Variants in AGAP1 observed in about 807,000 individuals in gnomAD.
AGAP1 encodes arf-GAP with GTPase, ANK repeat and PH domain-containing protein 1.
Under a neutral mutation model 105.3 loss-of-function variants are expected in AGAP1, and 29 were observed. That is an observed-to-expected ratio of 0.28 (90% CI 0.21 to 0.38). The LOEUF is 0.38. Among genes scored for constraint, AGAP1 ranks in the 10% least tolerant of loss-of-function variants. The pLI, the probability that AGAP1 is intolerant of heterozygous loss-of-function variation, is 1.00. For missense variants in AGAP1, 998 were observed against 1,165.1 expected, an observed-to-expected ratio of 0.86 and a Z score of 2.09; for synonymous variants, 509 against 485.9, an observed-to-expected ratio of 1.05 and a Z score of -0.63.
chr2:236,098,247 A>G (rs896558731), intron 16 of AGAP1, among the ~76,000 whole-genome samples: 7 of 152,256 alleles, frequency 4.6e-5, no homozygotes, highest in Admixed American at 3.9e-4. Flanking sequence ...CTGAACCGTC[A>G]TACCGGTTTT....
rs1041349033 is a variant in AGAP1 at position 235,801,292 on chromosome 2, G to T, written c.957+1770G>T. ...TGGAAACCATAGTACTTCTGCAGTG[G>T]GGCTTCCGGGAAGACTTCCTGGAGG... On this transcript the variant is annotated intron_variant, in intron 8 of 17. Transcript: ENST00000304032. The surrounding 1 kb of genome is among the most constrained non-coding windows in gnomAD (Gnocchi z 6.0). Among the ~76,000 whole-genome samples the T allele has an allele frequency of 3.3e-4, 50 of 152,252 alleles. 1 individual carries two copies. Among genetic ancestry groups the T allele is most frequent in the African/African-American group, 1.2e-3 (48 of 41,544 alleles).
Position 236,042,949 on chromosome 2 carries a change from A to G in AGAP1, c.1891+2108A>G, listed in dbSNP as rs2057598914. Among the ~76,000 whole-genome samples the G allele has an allele frequency of 6.6e-6, 1 of 152,194 alleles. No individual in the cohort carries two copies. The highest frequency in any genetic ancestry group is 2.1e-4 in the South Asian group (1 of 4,828). On this transcript the variant is annotated intron_variant, in intron 15 of 17. Transcript: ENST00000304032. This position sits in a 1 kb window ranked among gnomAD's most constrained non-coding sequence, Gnocchi z 5.6. ...AGTAGTTGGTGCCCCTGTGGGCCCC[A>G]CTTAAAGGGGAGGAATTGAGGAGCC...
At chr2:235,685,683 T>G (rs1170818965) in intron 1 of AGAP1, among the ~76,000 whole-genome samples, 1 of 152,068 alleles carries the variant, frequency 6.6e-6, no homozygotes, top group African/African-American at 2.4e-5. Flanking sequence ...CTTTCGATTT[T>G]TTTTACTGTA....
chr2:235,572,750 C>T (rs967357395), intron 1 of AGAP1, among the ~76,000 whole-genome samples: 15 of 152,198 alleles, frequency 9.9e-5, no homozygotes, highest in Admixed American at 9.2e-4. Flanking sequence ...TCTGGCAGGC[C>T]GTTGTGTGCA....
In AGAP1 at chr2:236,040,499, T is replaced by C. The variant is rs555595236; in HGVS notation, c.1801-252T>C. 3.0e-5 allele frequency: 16 copies of C among 528,484 alleles called. No individual in the cohort carries two copies. In the South Asian group the frequency reaches 3.6e-4, roughly 12 times the overall value. The allele number at this position is 528,484 out of a possible 1,614,324, so 32.7% of individuals were successfully genotyped here. A position where few individuals can be genotyped will look rare whatever the true frequency, so the allele number is the denominator to read the frequency against. ...GATGATCCAGAACTCTCCTCTTTGC[T>C]CATTTCTGGCAGAGTCCGTCTCAGC... On this transcript the variant is annotated intron_variant, in intron 14 of 17. Transcript: ENST00000304032. The surrounding 1 kb of genome is among the most constrained non-coding windows in gnomAD (Gnocchi z 5.6).
intron 13 of AGAP1, among the ~76,000 whole-genome samples, chr2:235,991,012 C>G (rs1483588137): frequency 6.6e-6 from 1 of 152,128 alleles, no homozygotes; most frequent in African/African-American, 2.4e-5. Flanking sequence ...CCAGGTGGCC[C>G]TCTGTGGTCG....
At position 236,131,485 on chromosome 2, in the gene AGAP1, A is replaced by C. The variant is rs1415806177; in HGVS notation, c.*7363A>C. 1 of 151,954 alleles carries C rather than the reference A, an allele frequency of 6.6e-6. No individual in the cohort carries two copies. Among genetic ancestry groups the C allele is most frequent in the East Asian group, 1.9e-4 (1 of 5,194 alleles). The allele number at this position is 151,954 out of a possible 1,614,324, so 9.4% of individuals were successfully genotyped here. On this transcript the variant is annotated 3_prime_UTR_variant, in exon 18 of 18. Transcript: ENST00000304032. This position sits in a 1 kb window ranked among gnomAD's most constrained non-coding sequence, Gnocchi z 5.9. ...CGTGGGTGTATCCACAGATGGGTTT[A>C]GGTTTTTTTTTTGGATGTTTTCTAT...
At chr2:235,974,368 T>C (rs2054773485) in intron 13 of AGAP1, among the ~76,000 whole-genome samples, 1 of 152,208 alleles carries the variant, frequency 6.6e-6, no homozygotes, top group Non-Finnish European at 1.5e-5. Flanking sequence ...GCTCATAACA[T>C]CTAGAAGTTG....
At chr2:235,836,984 G>A (rs2106371923) in intron 9 of AGAP1, among the ~76,000 whole-genome samples, 2 of 152,210 alleles carry the variant, frequency 1.3e-5, no homozygotes, top group East Asian at 1.9e-4. Context: ...TTGGGTTGGG[G>A]GGGTTGTGGG....
chr2:236,071,070 G>A (rs376492296), intron 16 of AGAP1, among the ~76,000 whole-genome samples: 48 of 152,242 alleles, frequency 3.2e-4, no homozygotes, highest in East Asian at 7.7e-4. Context: ...TTCTGAGACC[G>A]TTAAGGAAGC....
chr2:235,802,712 ATGGTTG>A (rs1285592732), intron 8 of AGAP1, among the ~76,000 whole-genome samples: 2 of 118,900 alleles, frequency 1.7e-5, no homozygotes, highest in South Asian at 2.9e-4. Context: ...TGTGATAATG[ATGGTTG>A]TGGTTGTGAT....
intron 13 of AGAP1, among the ~76,000 whole-genome samples, chr2:235,990,605 A>G (rs2055525425): frequency 6.6e-6 from 1 of 152,144 alleles, no homozygotes; most frequent in Admixed American, 6.5e-5. Context: ...GCATCACATG[A>G]GAGAGGTACA....
chr2:236,043,328 C>T (rs192128141), intron 15 of AGAP1, among the ~76,000 whole-genome samples: 2 of 152,342 alleles, frequency 1.3e-5, no homozygotes, highest in East Asian at 3.9e-4. Context: ...ATGTTCATCA[C>T]AGTGCTTTAC....
At chr2:235,783,991 C>T (rs990224570) in intron 6 of AGAP1, among the ~76,000 whole-genome samples, 4 of 147,730 alleles carry the variant, frequency 2.7e-5, no homozygotes, top group East Asian at 5.2e-4. Context: ...GATGGACGGA[C>T]GGATGGATGG....
rs1944810579 is a variant in AGAP1, at chr2:235,578,454, G to T, written c.163+83605G>T. Among the ~76,000 whole-genome samples the T allele has an allele frequency of 6.6e-6, 1 of 152,196 alleles. No homozygotes were observed. Among genetic ancestry groups the T allele is most frequent in the South Asian group, 2.1e-4 (1 of 4,836 alleles). The stretch of plus-strand genomic sequence containing the variant: ...GCCACTGAGCTGCACACTTAAAAGT[G>T]GGTAGAATGATGCATTTTGTGTGTA... On this transcript the variant is annotated intron_variant, in intron 1 of 17. Transcript: ENST00000304032. The surrounding 1 kb of genome is among the most constrained non-coding windows in gnomAD (Gnocchi z 4.9).
In AGAP1 at chr2:235,535,558, C is replaced by A. The variant is rs1447743251; in HGVS notation, c.163+40709C>A. Among the ~76,000 whole-genome samples, 1 of 151,540 alleles carries A rather than the reference C, an allele frequency of 6.6e-6. No individual in the cohort carries two copies. The highest frequency in any genetic ancestry group is 2.4e-5 in the African/African-American group (1 of 41,240). Reference sequence around the variant, plus strand: ...TATCCTCCCCTCTCTCTGTTCTGCGCGGCAGGTAGCAAGGAACGGTGGCGG... The same window carrying A: ...TATCCTCCCCTCTCTCTGTTCTGCGAGGCAGGTAGCAAGGAACGGTGGCGG... On this transcript the variant is annotated intron_variant, in intron 1 of 17. Transcript: ENST00000304032. This position sits in a 1 kb window ranked among gnomAD's most constrained non-coding sequence, Gnocchi z 5.1.
intron 12 of AGAP1, among the ~76,000 whole-genome samples, chr2:235,946,284 CTTTTTTTTTTTT>C (rs34759426): frequency 1.8e-5 from 2 of 114,056 alleles, no homozygotes; most frequent in African/African-American, 3.6e-5. Flanking sequence ...GCTTTTTTTC[CTTTTTTTTTTTT>C]TTTTTTTGAG....
At position 235,885,893 on chromosome 2, in the gene AGAP1, C is replaced by G. The variant is rs1249748066; in HGVS notation, c.1155+2444C>G. Among the ~76,000 whole-genome samples, 3 of 152,178 alleles carry G rather than the reference C, an allele frequency of 2.0e-5. No individual in the cohort carries two copies. The East Asian group carries it at 5.8e-4, about 29-fold the overall frequency. On this transcript the variant is annotated intron_variant, in intron 10 of 17. Coordinates refer to ENST00000304032, the MANE Select transcript of AGAP1 (RefSeq NM_001037131.3). Reference sequence around the variant, plus strand: ...TATTCTTTATTGCAGTAAGGAAATTCCTTTGTGCTCAGTGTCCTGCTAGTT... The same window carrying G: ...TATTCTTTATTGCAGTAAGGAAATTGCTTTGTGCTCAGTGTCCTGCTAGTT...
intron 1 of AGAP1, among the ~76,000 whole-genome samples, chr2:235,545,142 G>A (rs1196226291): frequency 6.6e-6 from 1 of 152,126 alleles, no homozygotes; most frequent in Non-Finnish European, 1.5e-5. Context: ...CCATGATATG[G>A]GCACCTTACA....
Sources: allele counts gnomAD v4.1 joint callset (sites outside exome capture counted in the v4.1 genomes callset), GRCh38; gene constraint gnomAD v4.1.1; non-coding constraint Gnocchi (gnomAD v3.1); transcripts MANE v1.5; gene names NCBI Gene and HGNC (gene_info 2026-07-23, HGNC 2026-07-21).